Variants in USP34 observed in about 807,000 individuals in gnomAD.
USP34 encodes ubiquitin specific peptidase 34.
USP34 carries 70 observed loss-of-function variants against 460.3 expected under a neutral mutation model. The ratio of observed to expected loss-of-function variants is 0.15; its 90% confidence interval spans 0.13 to 0.19. The LOEUF (loss-of-function observed/expected upper bound fraction) is 0.19. Ranked by LOEUF, USP34 falls within the 10% of genes least tolerant of loss-of-function variation. The pLI is 1.00. For synonymous variants in USP34, 1,647 were observed against 1,405.3 expected (o/e 1.17, Z -3.85); for missense variants, 3,985 against 4,236.2 (o/e 0.94, Z 1.65).
At chr2:61,375,056 C>T (rs1251195639) in intron 8 of USP34, among the ~76,000 whole-genome samples, 1 of 152,156 alleles carries the variant, frequency 6.6e-6, no homozygotes, top group African/African-American at 2.4e-5. Context: ...GTACAGACCA[C>T]ATTAAGCCAT....
Position 61,214,325 on chromosome 2 carries a change from T to G in USP34, c.8417A>C (p.Tyr2806Ser). The change falls in exon 68 of 80, where the codon TAC becomes TCC. Residue 2806 changes from tyrosine (Y) to serine (S), a missense_variant. Around this residue, in one of 14 missense-constraint regions of USP34, gnomAD observed 66 missense variants for 121.2 expected, o/e 0.54. Coordinates refer to ENST00000398571, the MANE Select transcript of USP34 (RefSeq NM_014709.4). ...HNKQALLSFW[Y>S]NVCADCPENI... ...CTCTGGACAGTCAGCACAGACATTG[T>G]ACCAAAATGAAAGCAAAGCCTGTTT... 1 of 1,614,232 alleles carries G rather than the reference T, an allele frequency of 6.2e-7. No individual in the cohort carries two copies. The highest frequency in any genetic ancestry group is 8.5e-7 in the Non-Finnish European group (1 of 1,180,042).
intron 25 of USP34, among the ~76,000 whole-genome samples, chr2:61,314,267 G>A (rs1345955621): frequency 4.0e-5 from 6 of 151,744 alleles, no homozygotes; most frequent in Non-Finnish European, 4.4e-5. Flanking sequence ...TTTTAGTAGT[G>A]GTGTTCTGCC....
intron 53 of USP34, among the ~76,000 whole-genome samples, chr2:61,238,904 T>G (rs562241523): frequency 1.2e-4 from 18 of 152,146 alleles, no homozygotes; most frequent in African/African-American, 1.7e-4. Flanking sequence ...TAATAGCATG[T>G]GCTCACTTTC....
At chr2:61,441,797 C>G (rs1265418462) in intron 1 of USP34, among the ~76,000 whole-genome samples, 1 of 73,962 alleles carries the variant, frequency 1.4e-5, no homozygotes, top group Non-Finnish European at 2.4e-5. Flanking sequence ...AGAGAGACTG[C>G]ATTACAAAAA....
intron 1 of USP34, among the ~76,000 whole-genome samples, chr2:61,467,533 T>C (rs1286502890): frequency 6.6e-6 from 1 of 151,880 alleles, no homozygotes; most frequent in Non-Finnish European, 1.5e-5. Flanking sequence ...CACAATTTTA[T>C]TGCTTCTCTC....
chr2:61,358,003 C>A (rs1471607229), intron 10 of USP34, among the ~76,000 whole-genome samples: 1 of 151,750 alleles, frequency 6.6e-6, no homozygotes, highest in East Asian at 1.9e-4. Context: ...TCAGCCTGGC[C>A]GACATGGCGA....
chr2:61,253,292 A>G (rs1688635051), intron 48 of USP34, among the ~76,000 whole-genome samples: 1 of 152,258 alleles, frequency 6.6e-6, no homozygotes, highest in Non-Finnish European at 1.5e-5. Flanking sequence ...GATTTATTCA[A>G]TACATTTATT....
rs1488365842 is a variant in USP34, at chr2:61,398,525, CGGGGAAGGAGGCGGAAGCG to C, written c.553-3311_553-3293del. ...CGGAAGCAGGGGAAGGAGGCGGAAG[CGGGGAAGGAGGCGGAAGCG>C]GGGGAAGGAGGCGGAAGCGGGAAGA... On this transcript the variant is annotated intron_variant, in intron 3 of 79. Coordinates refer to ENST00000398571, the MANE Select transcript of USP34 (RefSeq NM_014709.4). 3.5e-3 allele frequency among the ~76,000 whole-genome samples: 220 copies of C among 63,592 alleles called. 7 individuals are homozygous for C. In the East Asian group the frequency reaches 0.13, roughly 39 times the overall value. 41.7% of individuals were successfully genotyped at this position (63,592 alleles called of 152,430 possible). A position where few individuals can be genotyped will look rare whatever the true frequency, so the allele number is the denominator to read the frequency against.
chr2:61,413,980 C>T (rs1197716418), intron 2 of USP34, among the ~76,000 whole-genome samples: 1 of 150,540 alleles, frequency 6.6e-6, no homozygotes, highest in Admixed American at 6.7e-5. Flanking sequence ...CAAAAGAGGC[C>T]GAGTGAGTGG....
intron 10 of USP34, among the ~76,000 whole-genome samples, chr2:61,366,167 G>A (rs540838381): frequency 2.0e-4 from 30 of 152,166 alleles, no homozygotes; most frequent in Non-Finnish European, 3.7e-4. Context: ...TTTGTGATCC[G>A]CCCACGTTGG....
intron 19 of USP34, among the ~76,000 whole-genome samples, chr2:61,331,771 T>C (rs1320443914): frequency 6.7e-6 from 1 of 149,720 alleles, no homozygotes; most frequent in African/African-American, 2.4e-5. Flanking sequence ...TTGCTTATAT[T>C]TTTGAACAAA....
At chr2:61,339,251 T>C in intron 18 of USP34, 100 bp downstream of exon 18, 1 of 1,174,306 alleles carries the variant, frequency 8.5e-7, no homozygotes, top group Non-Finnish European at 1.2e-6. Flanking sequence ...AATACAGGTA[T>C]ATGAAACAGT....
intron 67 of USP34, among the ~76,000 whole-genome samples, chr2:61,216,319 G>A (rs1019200774): frequency 2.6e-5 from 4 of 152,118 alleles, no homozygotes; most frequent in South Asian, 2.1e-4. Context: ...GCCATTTGGC[G>A]GCTGGGTGCG....
At chr2:61,287,606 T>C (rs1572902155) in intron 34 of USP34, among the ~76,000 whole-genome samples, 2 of 152,318 alleles carry the variant, frequency 1.3e-5, no homozygotes, top group South Asian at 4.1e-4. Flanking sequence ...GATGAAGACC[T>C]TTATGATGAC....
chr2:61,259,516 C>G (rs1373117042), intron 44 of USP34, among the ~76,000 whole-genome samples, 195 bp downstream of exon 44: 1 of 151,548 alleles, frequency 6.6e-6, no homozygotes, highest in Non-Finnish European at 1.5e-5. Flanking sequence ...GTCTCCTAAG[C>G]AGCCGGGACT....
chr2:61,344,823 C>T (rs894811065), intron 15 of USP34, among the ~76,000 whole-genome samples: 7 of 151,958 alleles, frequency 4.6e-5, no homozygotes, highest in Non-Finnish European at 8.8e-5. Context: ...GAATTTAGGC[C>T]CCTGGGGGAA....
chr2:61,444,805 G>A (rs770846442), intron 1 of USP34, among the ~76,000 whole-genome samples: 5 of 151,680 alleles, frequency 3.3e-5, no homozygotes, highest in African/African-American at 9.7e-5. Flanking sequence ...GGTGTCCACC[G>A]CACGTGGAGA....
intron 32 of USP34, 89 bp from the exon 33 acceptor site, chr2:61,293,639 A>G: frequency 2.3e-6 from 2 of 881,780 alleles, no homozygotes; most frequent in Non-Finnish European, 3.6e-6. Context: ...TATGTAAAAT[A>G]TTACGTATCT....
intron 53 of USP34, among the ~76,000 whole-genome samples, chr2:61,239,018 A>G (rs1039380462): frequency 1.3e-5 from 2 of 151,680 alleles, no homozygotes; most frequent in Non-Finnish European, 2.9e-5. Flanking sequence ...AACCAGTATG[A>G]TTTTTGATGT....
Sources: allele counts gnomAD v4.1 joint callset (sites outside exome capture counted in the v4.1 genomes callset), GRCh38; gene constraint gnomAD v4.1.1; regional missense constraint gnomAD v4.1.1; transcripts MANE v1.5; gene names NCBI Gene and HGNC (gene_info 2026-07-23, HGNC 2026-07-21).